RBFOX1: variants seen among roughly 807,000 people sequenced by gnomAD.
The protein encoded by RBFOX1 is RNA binding fox-1 homolog 1.
In RBFOX1, 8 loss-of-function variants were observed where a neutral mutation model predicts 57.7. That is an observed-to-expected ratio of 0.14 (90% CI 0.08 to 0.25). The LOEUF is 0.25. RBFOX1 is among the 10% of genes least tolerant of loss of function. The probability of loss-of-function intolerance (pLI) is 1.00; values close to 1 mark genes in which losing one functional copy is unlikely to be tolerated. For missense variants in RBFOX1, 611 were observed against 548.5 expected (o/e 1.11, Z -1.14); for synonymous variants, 326 against 222.4 (o/e 1.47, Z -4.15).
At chr16:5,758,979 A>G (rs1005533789) in intron 3 of RBFOX1, among the ~76,000 whole-genome samples, 1 of 152,198 alleles carries the variant, frequency 6.6e-6, no homozygotes, top group Non-Finnish European at 1.5e-5. Flanking sequence ...CATTGGGAAG[A>G]CACCATTTGC....
chr16:7,597,898 T>G (rs545683124), intron 9 of RBFOX1, among the ~76,000 whole-genome samples: 1 of 152,314 alleles, frequency 6.6e-6, no homozygotes, highest in Non-Finnish European at 1.5e-5. Context: ...ATGTCTGAAT[T>G]CCACAGGGTT....
At chr16:5,756,223 C>CAAAAA (rs5815266) in intron 3 of RBFOX1, among the ~76,000 whole-genome samples, 34 of 50,950 alleles carry the variant, frequency 6.7e-4, no homozygotes, top group African/African-American at 7.0e-4. Context: ...TCCACATAAG[C>CAAAAA]AAAAAAAAAA....
chr16:7,169,328 G>A (rs771516955), intron 4 of RBFOX1, among the ~76,000 whole-genome samples: 1 of 152,144 alleles, frequency 6.6e-6, no homozygotes, highest in Non-Finnish European at 1.5e-5. Flanking sequence ...CATATATCAG[G>A]GTTTCTGAAT....
intron 4 of RBFOX1, among the ~76,000 whole-genome samples, chr16:7,388,064 C>G (rs759617027): frequency 4.6e-5 from 7 of 151,600 alleles, no homozygotes; most frequent in Non-Finnish European, 1.0e-4. Flanking sequence ...AATTTAAAGG[C>G]ATCCAAAAAA....
chr16:5,263,528 G>A (rs926092013), intron 1 of RBFOX1, among the ~76,000 whole-genome samples: 1 of 152,136 alleles, frequency 6.6e-6, no homozygotes, highest in African/African-American at 2.4e-5. Flanking sequence ...GCACATACAT[G>A]GTGCAAAATA....
At chr16:6,678,080 C>A (rs2058043812) in intron 3 of RBFOX1, among the ~76,000 whole-genome samples, 1 of 152,128 alleles carries the variant, frequency 6.6e-6, no homozygotes, top group African/African-American at 2.4e-5. Flanking sequence ...TCCTATATAG[C>A]CAAAGTATTC....
intron 3 of RBFOX1, among the ~76,000 whole-genome samples, chr16:7,006,045 T>C (rs1223773724): frequency 1.3e-5 from 2 of 152,224 alleles, no homozygotes; most frequent in South Asian, 2.1e-4. Context: ...TTCCTCATGG[T>C]ATATGTTCTC....
intron 3 of RBFOX1, among the ~76,000 whole-genome samples, chr16:6,890,203 G>T (rs1057100871): frequency 2.0e-5 from 3 of 152,120 alleles, no homozygotes; most frequent in African/African-American, 7.2e-5. Context: ...TAAGCCTTTT[G>T]GTACCCTAAA....
chr16:5,764,399 A>G (rs2053703311), intron 3 of RBFOX1, among the ~76,000 whole-genome samples: 1 of 152,200 alleles, frequency 6.6e-6, no homozygotes, highest in Non-Finnish European at 1.5e-5. Context: ...AGCCTCTTGT[A>G]AAGCCTGCAG....
At chr16:7,569,980 C>G (rs1045423237) in intron 5 of RBFOX1, among the ~76,000 whole-genome samples, 1 of 152,114 alleles carries the variant, frequency 6.6e-6, no homozygotes, top group East Asian at 1.9e-4. Context: ...GTCATTTTTT[C>G]AAAGGCTAAA....
At chr16:5,383,233 C>T (rs1415304857) in intron 1 of RBFOX1, among the ~76,000 whole-genome samples, 2 of 152,166 alleles carry the variant, frequency 1.3e-5, no homozygotes, top group East Asian at 1.9e-4. Context: ...CCTTGAGGGC[C>T]TGGCAAGATC....
At chr16:6,653,100 T>C (rs990121261) in intron 2 of RBFOX1, among the ~76,000 whole-genome samples, 1 of 152,162 alleles carries the variant, frequency 6.6e-6, no homozygotes, top group African/African-American at 2.4e-5. Flanking sequence ...TTGCTCTTCG[T>C]TTGCCTGGGA....
At chr16:6,861,922 C>T (rs771091702) in intron 3 of RBFOX1, among the ~76,000 whole-genome samples, 3 of 146,786 alleles carry the variant, frequency 2.0e-5, no homozygotes, top group Admixed American at 7.0e-5. Flanking sequence ...CTCTCTGGCA[C>T]TGGCAGGGGG....
intron 1 of RBFOX1, among the ~76,000 whole-genome samples, chr16:5,293,404 T>A (rs2063582146): frequency 6.6e-6 from 1 of 152,178 alleles, no homozygotes; most frequent in Admixed American, 6.5e-5. Context: ...GAGATGTCCC[T>A]CCTGCCCTGG....
At chr16:5,310,678 G>A (rs1041371450) in intron 1 of RBFOX1, among the ~76,000 whole-genome samples, 1 of 152,144 alleles carries the variant, frequency 6.6e-6, no homozygotes, top group Admixed American at 6.5e-5. Context: ...CTCAGCTGGG[G>A]TGACACTGTA....
chr16:5,779,883 C>T (rs1597220531), intron 3 of RBFOX1, among the ~76,000 whole-genome samples: 1 of 152,176 alleles, frequency 6.6e-6, no homozygotes, highest in Non-Finnish European at 1.5e-5. Context: ...CTTCAGTTTT[C>T]TCACTTGTAA....
chr16:5,413,648 A>T (rs1293332214), intron 1 of RBFOX1, among the ~76,000 whole-genome samples: 1 of 152,182 alleles, frequency 6.6e-6, no homozygotes, highest in Non-Finnish European at 1.5e-5. Context: ...CTCATTACTG[A>T]GGACTTGCTA....
Position 6,019,229 on chromosome 16 carries a change from G to A in RBFOX1, c.-890G>A. The A allele has an allele frequency of 2.0e-6, 2 of 985,060 alleles. No individual in the cohort carries two copies. The highest frequency in any genetic ancestry group is 2.4e-6 in the Non-Finnish European group (2 of 829,966). 61.0% of individuals were successfully genotyped at this position (985,060 alleles called of 1,614,324 possible). ...CTACAAGCGCTCTTGCTGGCCGTCT[G>A]GGTGCACACACCGCTCCCTCGATCA... is the stretch of plus-strand genomic sequence containing the variant. On this transcript the variant is annotated 5_prime_UTR_variant, in exon 1 of 16. Coordinates refer to ENST00000550418, the MANE Select transcript of RBFOX1 (RefSeq NM_018723.4). The surrounding 1 kb of genome is among the most constrained non-coding windows in gnomAD (Gnocchi z 4.2).
At chr16:6,691,748 CA>C (rs2060242936) in intron 3 of RBFOX1, among the ~76,000 whole-genome samples, 1 of 152,134 alleles carries the variant, frequency 6.6e-6, no homozygotes, top group Non-Finnish European at 1.5e-5. Context: ...AGGAATTTTG[CA>C]GATATGATTA....
Sources: gnomAD v4.1 joint callset for allele counts (sites outside exome capture counted in the v4.1 genomes callset) on GRCh38, gnomAD v4.1.1 for gene constraint, Gnocchi (gnomAD v3.1) non-coding constraint, MANE v1.5 for transcripts, NCBI Gene and HGNC (gene_info 2026-07-23, HGNC 2026-07-21) for gene names.